The following KCNIP4 variants were observed in gnomAD, a reference collection of about 807,000 sequenced individuals.
The protein encoded by KCNIP4 is potassium voltage-gated channel interacting protein 4.
In KCNIP4, 12 loss-of-function variants were observed where a neutral mutation model predicts 34.0. The ratio of observed to expected loss-of-function variants is 0.35; its 90% CI spans 0.23 to 0.57. KCNIP4 has a LOEUF of 0.57. KCNIP4 is among the 20% of genes least tolerant of loss of function. KCNIP4 has a pLI of 0.83. For synonymous variants in KCNIP4, 124 were observed against 102.2 expected (o/e 1.21, Z -1.29); for missense variants, 238 against 311.7 (o/e 0.76, Z 1.78).
At chr4:21,900,201 G>T (rs967106089) in intron 1 of KCNIP4, among the ~76,000 whole-genome samples, 21 of 152,060 alleles carry the variant, frequency 1.4e-4, no homozygotes, top group African/African-American at 4.8e-4. Context: ...GTAAATCTGG[G>T]TTCACAAAAT....
At chr4:21,798,446 A>T (rs71607093) in intron 1 of KCNIP4, among the ~76,000 whole-genome samples, 1 of 127,334 alleles carries the variant, frequency 7.9e-6, no homozygotes, top group African/African-American at 2.6e-5. Flanking sequence ...GTGGTGGCAC[A>T]CATCTGTAGT....
intron 3 of KCNIP4, among the ~76,000 whole-genome samples, chr4:20,761,291 C>T (rs182903454): frequency 1.3e-5 from 2 of 152,168 alleles, no homozygotes; most frequent in South Asian, 2.1e-4. Context: ...CTTAATAAGT[C>T]TCTTTATACT....
intron 1 of KCNIP4, among the ~76,000 whole-genome samples, chr4:21,866,891 C>T (rs1414679604): frequency 1.3e-5 from 2 of 151,030 alleles, no homozygotes; most frequent in Non-Finnish European, 2.9e-5. Context: ...CCTGCCTCAG[C>T]CTCCCCAGTA....
At chr4:20,853,572 A>C (rs1721263331) in intron 2 of KCNIP4, among the ~76,000 whole-genome samples, 1 of 152,062 alleles carries the variant, frequency 6.6e-6, no homozygotes, top group African/African-American at 2.4e-5. Flanking sequence ...CCTTTTAGAC[A>C]CTGGCTTAGG....
chr4:21,380,440 GGAGGGA>G (rs113546252), intron 1 of KCNIP4, among the ~76,000 whole-genome samples: 4 of 122,714 alleles, frequency 3.3e-5, no homozygotes, highest in African/African-American at 6.5e-5. Context: ...TGAGGGAGAG[GGAGGGA>G]GAGGGAGAGG....
At chr4:21,218,179 C>A (rs1420066802) in intron 1 of KCNIP4, among the ~76,000 whole-genome samples, 1 of 151,722 alleles carries the variant, frequency 6.6e-6, no homozygotes, top group Non-Finnish European at 1.5e-5. Flanking sequence ...CCATGCCTGG[C>A]TAATTTTGTA....
At chr4:21,947,092 C>T (rs1730551548) in intron 1 of KCNIP4, among the ~76,000 whole-genome samples, 1 of 152,146 alleles carries the variant, frequency 6.6e-6, no homozygotes, top group Admixed American at 6.5e-5. Context: ...GCCTTGAGTT[C>T]CCTGGGCTGC....
At chr4:21,123,547 A>G in intron 1 of KCNIP4, among the ~76,000 whole-genome samples, 1 of 152,366 alleles carries the variant, frequency 6.6e-6, no homozygotes, top group East Asian at 1.9e-4. Flanking sequence ...TATTTACTAT[A>G]TTAAATGTTA....
intron 1 of KCNIP4, among the ~76,000 whole-genome samples, chr4:21,002,315 C>T (rs1157156484): frequency 6.6e-6 from 1 of 152,196 alleles, no homozygotes; most frequent in East Asian, 1.9e-4. Context: ...ATAAACACAT[C>T]AACCAAAACA....
chr4:21,278,794 A>G (rs35872664), intron 1 of KCNIP4, among the ~76,000 whole-genome samples: 1,651 of 152,280 alleles, frequency 0.011, 15 homozygotes, highest in South Asian at 0.017. Flanking sequence ...TAAAATTGAA[A>G]TTGGCAAATT....
At chr4:21,621,123 G>C (rs887814260) in intron 1 of KCNIP4, among the ~76,000 whole-genome samples, 7 of 152,280 alleles carry the variant, frequency 4.6e-5, no homozygotes, top group Admixed American at 3.9e-4. Flanking sequence ...GCAATAAATA[G>C]GGAGTTTTGA....
At chr4:20,884,461 A>C (rs1200852665) in intron 1 of KCNIP4, among the ~76,000 whole-genome samples, 2 of 151,888 alleles carry the variant, frequency 1.3e-5, no homozygotes, top group Non-Finnish European at 2.9e-5. Context: ...TTGCAAAATA[A>C]ATCTGGTTTA....
chr4:21,154,528 A>G (rs1172290236), intron 1 of KCNIP4, among the ~76,000 whole-genome samples: 2 of 152,228 alleles, frequency 1.3e-5, no homozygotes, highest in African/African-American at 4.8e-5. Flanking sequence ...ATGTTGGAAC[A>G]GTGACCTAAA....
chr4:21,130,578 T>C (rs991591001), intron 1 of KCNIP4, among the ~76,000 whole-genome samples: 3 of 152,200 alleles, frequency 2.0e-5, no homozygotes, highest in African/African-American at 7.2e-5. Flanking sequence ...TTTGTTTGTA[T>C]TCATAGTGCC....
chr4:20,962,828 T>A (rs949138936), intron 1 of KCNIP4, among the ~76,000 whole-genome samples: 3 of 152,164 alleles, frequency 2.0e-5, no homozygotes, highest in African/African-American at 7.2e-5. Flanking sequence ...AATTGTGAAA[T>A]CTCTAAAAGC....
intron 3 of KCNIP4, among the ~76,000 whole-genome samples, chr4:20,801,564 A>T (rs1372092813): frequency 6.6e-6 from 1 of 152,170 alleles, no homozygotes; most frequent in East Asian, 1.9e-4. Context: ...GGTGGAGAGT[A>T]AAAGTCTAGA....
At chr4:20,731,007 A>G (rs919123598) in intron 8 of KCNIP4, among the ~76,000 whole-genome samples, 4 of 152,192 alleles carry the variant, frequency 2.6e-5, no homozygotes, top group African/African-American at 9.7e-5. Context: ...AGTAAGAACA[A>G]CAATTTAAAA....
chr4:21,213,773 C>T (rs1757386347), intron 1 of KCNIP4, among the ~76,000 whole-genome samples: 1 of 152,312 alleles, frequency 6.6e-6, no homozygotes, highest in East Asian at 1.9e-4. Flanking sequence ...CAAGTCTTTG[C>T]TGTGCTCCTC....
chr4:21,684,671 T>C (rs1410093576), intron 1 of KCNIP4, among the ~76,000 whole-genome samples: 1 of 152,184 alleles, frequency 6.6e-6, no homozygotes, highest in Non-Finnish European at 1.5e-5. Flanking sequence ...AACAAACTTT[T>C]TAAAATTATT....
Sources: allele counts gnomAD v4.1 joint callset (sites outside exome capture counted in the v4.1 genomes callset), GRCh38; gene constraint gnomAD v4.1.1; transcripts MANE v1.5; gene names NCBI Gene and HGNC (gene_info 2026-07-23, HGNC 2026-07-21).